Variants in MCC observed in about 807,000 individuals in gnomAD.
The protein encoded by MCC is colorectal mutant cancer protein.
A neutral mutation model predicts 116.2 loss-of-function variants in MCC; 90 were observed. That is an observed-to-expected ratio of 0.77 (90% CI 0.65 to 0.92). The LOEUF (loss-of-function observed/expected upper bound fraction) is 0.92, where lower values mean the gene tolerates loss of function less well. MCC is among the 40% of genes least tolerant of loss of function. The pLI is 0.00. For missense variants in MCC, 1,516 were observed against 1,312.2 expected (o/e 1.16, Z -2.40); for synonymous variants, 578 against 510.5 (o/e 1.13, Z -1.78).
chr5:113,060,155 T>C (rs879422369), intron 14 of MCC, among the ~76,000 whole-genome samples: 135 of 152,038 alleles, frequency 8.9e-4, no homozygotes, highest in Admixed American at 1.8e-3. Flanking sequence ...TTTTTGTTTG[T>C]TTGTTTGTTT....
intron 14 of MCC, among the ~76,000 whole-genome samples, chr5:113,057,575 G>A (rs1752917078): frequency 6.6e-6 from 1 of 152,232 alleles, no homozygotes. Context: ...AAATGAGGCA[G>A]CTCAAGGGAA....
At chr5:113,067,580 G>T (rs536438842) in intron 13 of MCC, among the ~76,000 whole-genome samples, 3 of 152,328 alleles carry the variant, frequency 2.0e-5, no homozygotes, top group African/African-American at 7.2e-5. Flanking sequence ...AGGTTGCAGT[G>T]AGCCAAGATT....
At chr5:113,200,665 CT>C (rs913722906) in intron 3 of MCC, among the ~76,000 whole-genome samples, 4 of 152,146 alleles carry the variant, frequency 2.6e-5, no homozygotes, top group Non-Finnish European at 5.9e-5. Context: ...TCGGATACAA[CT>C]TAAGTTAAAA....
intron 3 of MCC, among the ~76,000 whole-genome samples, chr5:113,295,442 G>T (rs549757127): frequency 2.6e-3 from 375 of 144,420 alleles, no homozygotes; most frequent in African/African-American, 8.7e-3. Context: ...GAAGATAGAG[G>T]CCCCATCCCT....
intron 3 of MCC, among the ~76,000 whole-genome samples, chr5:113,201,706 A>G (rs1762688210): frequency 6.6e-6 from 1 of 152,190 alleles, no homozygotes; most frequent in Admixed American, 6.5e-5. Flanking sequence ...ATAACTTCAA[A>G]GTAATTTAAT....
rs1034196999 is a variant in MCC, at chr5:113,026,926, A to G, written c.*376T>C. ...CTAGAAGATGAGCCCAGCATCTACC[A>G]AAAAGAGGATACAATGGAAAATCTT... is the stretch of plus-strand genomic sequence containing the variant. On this transcript the variant is annotated 3_prime_UTR_variant, in exon 19 of 19. Transcript: ENST00000408903. 2.1e-5 allele frequency: 4 copies of G among 188,518 alleles called. No individual in the cohort carries two copies. The highest frequency in any genetic ancestry group is 3.3e-5 in the Non-Finnish European group (3 of 92,228). 11.7% of individuals were successfully genotyped at this position (188,518 alleles called of 1,614,324 possible). A position where few individuals can be genotyped will look rare whatever the true frequency, so the allele number is the denominator to read the frequency against.
At chr5:113,224,201 T>C (rs1763650237) in intron 3 of MCC, among the ~76,000 whole-genome samples, 1 of 152,094 alleles carries the variant, frequency 6.6e-6, no homozygotes, top group Non-Finnish European at 1.5e-5. Flanking sequence ...TTCAAGTGAT[T>C]CTCCTGCCTC....
intron 1 of MCC, among the ~76,000 whole-genome samples, chr5:113,488,027 G>A (rs74984047): frequency 0.033 from 5,021 of 152,154 alleles, 278 homozygotes; most frequent in African/African-American, 0.11. Context: ...ACAGCGCTGG[G>A]AAAAGTTGGA....
intron 12 of MCC, 128 bp from the exon 13 acceptor site, chr5:113,068,311 C>T: frequency 1.5e-6 from 1 of 672,638 alleles, no homozygotes; most frequent in Non-Finnish European, 2.7e-6. Flanking sequence ...GGCAAGGAAA[C>T]CACCCATGAA....
intron 3 of MCC, among the ~76,000 whole-genome samples, chr5:113,319,808 T>C (rs2150370776): frequency 6.6e-6 from 1 of 152,338 alleles, no homozygotes; most frequent in South Asian, 2.1e-4. Flanking sequence ...GGGATATCAT[T>C]GTACAAGCCA....
chr5:113,369,807 A>G (rs1272768115), intron 2 of MCC, among the ~76,000 whole-genome samples: 1 of 152,206 alleles, frequency 6.6e-6, no homozygotes, highest in Non-Finnish European at 1.5e-5. Flanking sequence ...TGTGCTTTTC[A>G]TAAGCCCTAC....
At chr5:113,482,031 C>T (rs912164423) in intron 1 of MCC, among the ~76,000 whole-genome samples, 1 of 152,156 alleles carries the variant, frequency 6.6e-6, no homozygotes, top group Non-Finnish European at 1.5e-5. Context: ...CCTTTTGTGA[C>T]TGGCTTCTTT....
At chr5:113,488,058 G>T (rs1464962804) in intron 1 of MCC, among the ~76,000 whole-genome samples, 187 bp downstream of exon 1, 1 of 152,100 alleles carries the variant, frequency 6.6e-6, no homozygotes, top group Non-Finnish European at 1.5e-5. Flanking sequence ...CCCCCGCAAG[G>T]CGAACAGAGC....
At chr5:113,212,079 G>A (rs900525998) in intron 3 of MCC, among the ~76,000 whole-genome samples, 11 of 152,128 alleles carry the variant, frequency 7.2e-5, no homozygotes, top group Non-Finnish European at 1.6e-4. Flanking sequence ...GCTTAGTCAA[G>A]GGCATTTTAC....
At chr5:113,054,688 T>C (rs1405298871) in intron 14 of MCC, among the ~76,000 whole-genome samples, 3 of 152,192 alleles carry the variant, frequency 2.0e-5, no homozygotes, top group Admixed American at 1.3e-4. Flanking sequence ...CTTCACAGGA[T>C]AGTCTGAGTA....
chr5:113,060,064 C>G (rs1753110084), intron 14 of MCC, among the ~76,000 whole-genome samples: 1 of 152,170 alleles, frequency 6.6e-6, no homozygotes, highest in Non-Finnish European at 1.5e-5. Flanking sequence ...CCTTGAAAAT[C>G]CGTGATGACA....
chr5:113,127,853 C>A (rs1347769064), intron 5 of MCC, among the ~76,000 whole-genome samples: 4 of 152,178 alleles, frequency 2.6e-5, no homozygotes, highest in Non-Finnish European at 5.9e-5. Context: ...TTCATTAGAA[C>A]CCATTTGTCA....
intron 14 of MCC, among the ~76,000 whole-genome samples, chr5:113,059,801 C>G (rs1753093248): frequency 6.6e-6 from 1 of 152,226 alleles, no homozygotes; most frequent in African/African-American, 2.4e-5. Context: ...GGCCTGTAGC[C>G]TGGTGGGAAT....
At chr5:113,147,584 C>T (rs1259648367) in intron 4 of MCC, among the ~76,000 whole-genome samples, 1 of 152,192 alleles carries the variant, frequency 6.6e-6, no homozygotes, top group Non-Finnish European at 1.5e-5. Context: ...TTAAAATATG[C>T]TAACAAGAGA....
Sources: gnomAD v4.1 joint callset for allele counts (sites outside exome capture counted in the v4.1 genomes callset) on GRCh38, gnomAD v4.1.1 for gene constraint, MANE v1.5 for transcripts, NCBI Gene and HGNC (gene_info 2026-07-23, HGNC 2026-07-21) for gene names.